SLIT3: variants seen among roughly 807,000 people sequenced by gnomAD.
SLIT3 encodes the protein slit guidance ligand 3.
Under a neutral mutation model 184.0 loss-of-function variants are expected in SLIT3, and 68 were observed. That is an observed-to-expected ratio of 0.37 (90% CI 0.30 to 0.45). SLIT3 has a LOEUF of 0.45. Among genes scored for constraint, SLIT3 ranks in the 20% least tolerant of loss-of-function variants. The probability of loss-of-function intolerance (pLI) is 1.00; values close to 1 mark genes in which losing one functional copy is unlikely to be tolerated. For missense variants in SLIT3, 1,707 were observed against 2,026.0 expected (o/e 0.84, Z 3.02); for synonymous variants, 831 against 828.6 (o/e 1.00, Z -0.05).
chr5:169,271,687 C>G (rs1398656477), intron 1 of SLIT3, among the ~76,000 whole-genome samples: 2 of 152,224 alleles, frequency 1.3e-5, no homozygotes, highest in Non-Finnish European at 2.9e-5. Context: ...AAAATAGCAT[C>G]ACACCAGAAG....
intron 4 of SLIT3, among the ~76,000 whole-genome samples, chr5:168,912,857 G>C (rs919376240): frequency 2.0e-5 from 3 of 152,020 alleles, no homozygotes; most frequent in Non-Finnish European, 4.4e-5. Context: ...CCACTGCTCT[G>C]GTCCTGTTCA....
At position 168,708,044 on chromosome 5, in the gene SLIT3, T is replaced by C; in HGVS notation, c.2776A>G (p.Lys926Glu). 1 of 1,614,188 alleles carries C rather than the reference T, an allele frequency of 6.2e-7. No homozygotes were observed. Among genetic ancestry groups the C allele is most frequent in the Non-Finnish European group, 8.5e-7 (1 of 1,180,026 alleles). The change falls in exon 26 of 36, where the codon AAG becomes GAG. Residue 926 changes from lysine (K) to glutamate (E), a missense_variant. Coordinates refer to ENST00000519560, the MANE Select transcript of SLIT3 (RefSeq NM_003062.4). ...KCNACLSSPC[K>E]NNGTCTQDPV... Reference sequence around the variant, plus strand: ...TCCTGGGTGCATGTCCCGTTATTCTTGCACGGGCTGGAGAGGCAGGCATTG... The same window carrying C: ...TCCTGGGTGCATGTCCCGTTATTCTCGCACGGGCTGGAGAGGCAGGCATTG...
chr5:168,971,032 C>T (rs1365238113), intron 4 of SLIT3, among the ~76,000 whole-genome samples: 2 of 152,212 alleles, frequency 1.3e-5, no homozygotes, highest in Non-Finnish European at 2.9e-5. Context: ...ACATCATCCA[C>T]AGGCCAGATG....
chr5:168,883,467 T>C, intron 4 of SLIT3, 131 bp from the exon 5 acceptor site: 2 of 664,132 alleles, frequency 3.0e-6, no homozygotes, highest in South Asian at 1.8e-5. Context: ...GGCTGTTTGG[T>C]CTCGGGCCCC....
intron 4 of SLIT3, among the ~76,000 whole-genome samples, chr5:168,998,149 T>C (rs968011876): frequency 4.8e-4 from 73 of 152,184 alleles, no homozygotes; most frequent in Admixed American, 4.8e-3. Context: ...AGATTGGCTC[T>C]AGAATAAAAT....
chr5:169,165,016 C>T (rs2113402006), intron 4 of SLIT3, among the ~76,000 whole-genome samples: 1 of 152,346 alleles, frequency 6.6e-6, no homozygotes, highest in South Asian at 2.1e-4. Flanking sequence ...AATGATAATG[C>T]ATGACCTCCC....
chr5:168,791,713 T>C (rs1199126669), intron 10 of SLIT3: 1 of 152,240 alleles, frequency 6.6e-6, no homozygotes, highest in Non-Finnish European at 1.5e-5. Flanking sequence ...CCTCACATGC[T>C]TATCATTTAT....
intron 19 of SLIT3, among the ~76,000 whole-genome samples, chr5:168,748,698 T>C (rs1488369432): frequency 6.6e-6 from 1 of 152,168 alleles, no homozygotes; most frequent in African/African-American, 2.4e-5. Flanking sequence ...ATATCAGGAA[T>C]AAGCCGAATT....
intron 4 of SLIT3, among the ~76,000 whole-genome samples, chr5:168,956,754 C>T (rs768768960): frequency 6.6e-6 from 1 of 152,004 alleles, no homozygotes; most frequent in Admixed American, 6.6e-5. Flanking sequence ...GATAGCGCCA[C>T]TGCACTCCAG....
At chr5:168,960,533 A>T (rs1411434983) in intron 4 of SLIT3, among the ~76,000 whole-genome samples, 2 of 152,206 alleles carry the variant, frequency 1.3e-5, no homozygotes, top group Non-Finnish European at 2.9e-5. Flanking sequence ...TAAGTGGCAG[A>T]GCTGGGATTC....
chr5:168,850,419 C>A (rs1758627447), intron 5 of SLIT3, among the ~76,000 whole-genome samples: 1 of 152,160 alleles, frequency 6.6e-6, no homozygotes, highest in African/African-American at 2.4e-5. Context: ...AACTCTTATG[C>A]CTATTTTTCC....
chr5:168,859,232 A>G (rs1759015592), intron 5 of SLIT3, among the ~76,000 whole-genome samples: 2 of 152,172 alleles, frequency 1.3e-5, no homozygotes, highest in African/African-American at 4.8e-5. Context: ...AAGAAGAGAG[A>G]GGCCCCAGAA....
intron 18 of SLIT3, among the ~76,000 whole-genome samples, chr5:168,750,553 G>A (rs1447533406): frequency 2.6e-4 from 40 of 152,160 alleles, no homozygotes; most frequent in Admixed American, 2.3e-3. Context: ...TGTGTGAAGC[G>A]GGGCAAGTTA....
At chr5:169,225,832 A>G (rs973285218) in intron 3 of SLIT3, among the ~76,000 whole-genome samples, 3 of 152,202 alleles carry the variant, frequency 2.0e-5, no homozygotes, top group African/African-American at 7.2e-5. Context: ...CAGGGAACCA[A>G]AGTTTGGTTT....
intron 28 of SLIT3, among the ~76,000 whole-genome samples, chr5:168,695,080 T>C (rs10055773): frequency 0.076 from 11,546 of 152,240 alleles, 895 homozygotes; most frequent in East Asian, 0.23. Flanking sequence ...GGAGGCTTGA[T>C]AAAGGTATGG....
intron 6 of SLIT3, among the ~76,000 whole-genome samples, chr5:168,825,514 G>A (rs1020243054): frequency 1.3e-5 from 2 of 152,150 alleles, no homozygotes; most frequent in African/African-American, 4.8e-5. Context: ...TAGGCATATG[G>A]GATGGTAAAG....
At chr5:169,086,062 T>C (rs536288828) in intron 4 of SLIT3, among the ~76,000 whole-genome samples, 1 of 152,242 alleles carries the variant, frequency 6.6e-6, no homozygotes, top group African/African-American at 2.4e-5. Context: ...AACCCTCCCC[T>C]AAAGCCAACG....
At chr5:168,944,021 C>T (rs1453515327) in intron 4 of SLIT3, among the ~76,000 whole-genome samples, 3 of 152,178 alleles carry the variant, frequency 2.0e-5, no homozygotes, top group Admixed American at 2.0e-4. Context: ...GGCCCAGCAG[C>T]GCACATTCTG....
At chr5:168,708,125 A>T in intron 25 of SLIT3, 25 bp from the exon 26 acceptor site, 1 of 1,614,120 alleles carries the variant, frequency 6.2e-7, no homozygotes, top group South Asian at 1.1e-5. Flanking sequence ...CAGAGTACTG[A>T]TGGCAGGTCC....
Sources: allele counts gnomAD v4.1 joint callset (sites outside exome capture counted in the v4.1 genomes callset), GRCh38; gene constraint gnomAD v4.1.1; transcripts MANE v1.5; gene names NCBI Gene and HGNC (gene_info 2026-07-23, HGNC 2026-07-21).